Variants in ATXN10 observed in about 807,000 individuals in gnomAD.
ATXN10 encodes the protein ataxin 10, also known as ataxin-10.
ATXN10 carries 28 observed loss-of-function variants against 52.9 expected under a neutral mutation model. The ratio of observed to expected loss-of-function variants is 0.53; its 90% CI spans 0.39 to 0.73. The LOEUF is 0.73. ATXN10 is among the 30% of genes least tolerant of loss of function. The pLI, the probability that ATXN10 is intolerant of heterozygous loss-of-function variation, is 0.00. For synonymous variants in ATXN10, 226 were observed against 221.5 expected (o/e 1.02, Z -0.18); for missense variants, 565 against 577.0 (o/e 0.98, Z 0.21).
chr22:45,676,044 A>G (rs1463814769), intron 1 of ATXN10: 2 of 152,168 alleles, frequency 1.3e-5, no homozygotes, highest in African/African-American at 4.8e-5. Context: ...TTTGCAAGTC[A>G]TGTTAAATTC....
chr22:45,830,548 G>C (rs1601673791), intron 10 of ATXN10, among the ~76,000 whole-genome samples: 1 of 152,040 alleles, frequency 6.6e-6, no homozygotes, highest in Non-Finnish European at 1.5e-5. Flanking sequence ...CAAAAGACTT[G>C]AGTACACATT....
intron 9 of ATXN10, among the ~76,000 whole-genome samples, chr22:45,765,450 A>G (rs572926661): frequency 6.6e-6 from 1 of 152,290 alleles, no homozygotes; most frequent in South Asian, 2.1e-4. Context: ...GCTCTGGTGA[A>G]TTATTCCTCT....
Position 45,805,580 on chromosome 22 carries a change from G to A in ATXN10, c.1174-1379G>A, listed in dbSNP as rs559238844. On this transcript the variant is annotated intron_variant, in intron 9 of 11. Coordinates refer to ENST00000252934, the MANE Select transcript of ATXN10 (RefSeq NM_013236.4). The surrounding 1 kb of genome is among the most constrained non-coding windows in gnomAD (Gnocchi z 4.4). ...CATGGGTGAACCTTGAGTGAAAGAA[G>A]CCAGGTTCAAAAGGCTACATGTCGT... 9.1e-4 allele frequency among the ~76,000 whole-genome samples: 139 copies of A among 152,294 alleles called. No homozygotes were observed. Among genetic ancestry groups the A allele is most frequent in the Non-Finnish European group, 1.4e-3 (92 of 68,026 alleles).
intron 5 of ATXN10, among the ~76,000 whole-genome samples, chr22:45,717,683 T>C (rs1924497697): frequency 6.6e-6 from 1 of 152,204 alleles, no homozygotes; most frequent in Non-Finnish European, 1.5e-5. Flanking sequence ...TTTTGTATTG[T>C]TAAGTGATTA....
chr22:45,723,813 A>G (rs1322207813), intron 6 of ATXN10, among the ~76,000 whole-genome samples: 3 of 151,990 alleles, frequency 2.0e-5, no homozygotes, highest in Non-Finnish European at 4.4e-5. Flanking sequence ...AAAATTAGCC[A>G]GGCGTGGTGG....
At chr22:45,693,675 T>C (rs186313151) in intron 3 of ATXN10, among the ~76,000 whole-genome samples, 1 of 152,258 alleles carries the variant, frequency 6.6e-6, no homozygotes, top group Admixed American at 6.5e-5. Flanking sequence ...TAACCCCCAA[T>C]ACCCAGAATG....
intron 9 of ATXN10, among the ~76,000 whole-genome samples, chr22:45,760,266 C>A (rs1926336213): frequency 6.6e-6 from 1 of 152,162 alleles, no homozygotes; most frequent in Non-Finnish European, 1.5e-5. Context: ...CCAGATGCAT[C>A]TGAGAGTGTG....
chr22:45,827,267 A>G (rs1928848274), intron 10 of ATXN10, among the ~76,000 whole-genome samples: 1 of 152,216 alleles, frequency 6.6e-6, no homozygotes, highest in South Asian at 2.1e-4. Context: ...AATAAGTTAT[A>G]AGACATATGG....
chr22:45,799,082 T>G (rs1170888685), intron 9 of ATXN10, among the ~76,000 whole-genome samples: 1 of 44,602 alleles, frequency 2.2e-5, no homozygotes. Context: ...TGTGTTTTGT[T>G]TTTTGTTTTT....
intron 9 of ATXN10, among the ~76,000 whole-genome samples, chr22:45,798,574 T>A (rs73444689): frequency 0.011 from 1,699 of 152,318 alleles, 38 homozygotes; most frequent in African/African-American, 0.039. Flanking sequence ...GCTAGTTTCA[T>A]ACTTTATGAT....
intron 6 of ATXN10, among the ~76,000 whole-genome samples, chr22:45,721,389 G>C (rs971246951): frequency 6.6e-6 from 1 of 152,164 alleles, no homozygotes; most frequent in Non-Finnish European, 1.5e-5. Flanking sequence ...GAGAATAATA[G>C]TAGCTACCCC....
chr22:45,817,731 G>A (rs1928513888), intron 10 of ATXN10, among the ~76,000 whole-genome samples: 2 of 152,170 alleles, frequency 1.3e-5, no homozygotes, highest in African/African-American at 4.8e-5. Flanking sequence ...CACACAGAAG[G>A]TGATTTCACA....
In ATXN10 at chr22:45,762,538, C is replaced by G. The variant is rs569176902; in HGVS notation, c.1173+22000C>G. Among the ~76,000 whole-genome samples, 13 of 152,314 alleles carry G rather than the reference C, an allele frequency of 8.5e-5. No individual in the cohort carries two copies. The highest frequency in any genetic ancestry group is 5.9e-4 in the Admixed American group (9 of 15,308). Reference sequence around the variant, plus strand: ...TCTTCCTGGGAGGCTCCCAGGCATGCTCCTGTCTGGCCAGGGTGCTTCCTC... The same window carrying G: ...TCTTCCTGGGAGGCTCCCAGGCATGGTCCTGTCTGGCCAGGGTGCTTCCTC... On this transcript the variant is annotated intron_variant, in intron 9 of 11. Coordinates refer to ENST00000252934, the MANE Select transcript of ATXN10 (RefSeq NM_013236.4). This position sits in a 1 kb window ranked among gnomAD's most constrained non-coding sequence, Gnocchi z 4.3.
rs1409158245 is a variant in ATXN10 at position 45,677,577 on chromosome 22, A to G, written c.116+5398A>G. On this transcript the variant is annotated intron_variant, in intron 1 of 11. Coordinates refer to ENST00000252934, the MANE Select transcript of ATXN10 (RefSeq NM_013236.4). This position sits in a 1 kb window ranked among gnomAD's most constrained non-coding sequence, Gnocchi z 4.1. ...GAGAAGTATTTAAAATATATATGAT[A>G]AAGAAGTTGTTTCAGAATATATGAA... 6.6e-6 allele frequency: 1 copy of G among 151,968 alleles called. No homozygotes were observed. Among genetic ancestry groups the G allele is most frequent in the Non-Finnish European group, 1.5e-5 (1 of 67,994 alleles). The allele number at this position is 151,968 out of a possible 1,614,324, so 9.4% of individuals were successfully genotyped here.
intron 1 of ATXN10, chr22:45,676,010 A>C (rs904226361): frequency 6.6e-6 from 1 of 152,206 alleles, no homozygotes; most frequent in Non-Finnish European, 1.5e-5. Context: ...TTTGTTTAAC[A>C]AGTGATTTAT....
At chr22:45,807,173 T>C (rs1601658813) in intron 10 of ATXN10, 151 bp downstream of exon 10, 2 of 737,470 alleles carry the variant, frequency 2.7e-6, no homozygotes, top group South Asian at 1.5e-5. Context: ...CTCAGAGTTA[T>C]GGTGCTAGAA....
intron 9 of ATXN10, among the ~76,000 whole-genome samples, chr22:45,785,554 G>C (rs1215178358): frequency 6.6e-6 from 1 of 152,202 alleles, no homozygotes; most frequent in East Asian, 1.9e-4. Flanking sequence ...TATTGTGTAA[G>C]ACGTTCTGTT....
At chr22:45,829,945 C>T (rs954429105) in intron 10 of ATXN10, among the ~76,000 whole-genome samples, 1 of 152,174 alleles carries the variant, frequency 6.6e-6, no homozygotes, top group Non-Finnish European at 1.5e-5. Flanking sequence ...AGCTGGAAGA[C>T]TCACACTTCC....
Position 45,823,271 on chromosome 22 carries a change from T to C in ATXN10, c.1237+16249T>C. 1.3e-5 allele frequency: 6 copies of C among 463,780 alleles called. No homozygotes were observed. Among genetic ancestry groups the C allele is most frequent in the South Asian group, 9.5e-5 (6 of 62,838 alleles). The allele number at this position is 463,780 out of a possible 1,614,324, so 28.7% of individuals were successfully genotyped here. A position where few individuals can be genotyped will look rare whatever the true frequency, so the allele number is the denominator to read the frequency against. ...AATGAATAAAAATTCCCAATTTTAA[T>C]GTAAAATTTATCAGTCTTTCCTTCT... On this transcript the variant is annotated intron_variant, in intron 10 of 11. Coordinates refer to ENST00000252934, the MANE Select transcript of ATXN10 (RefSeq NM_013236.4). The surrounding 1 kb of genome is among the most constrained non-coding windows in gnomAD (Gnocchi z 4.9).
Sources: allele counts gnomAD v4.1 joint callset (sites outside exome capture counted in the v4.1 genomes callset), GRCh38; gene constraint gnomAD v4.1.1; non-coding constraint Gnocchi (gnomAD v3.1); transcripts MANE v1.5; gene names NCBI Gene and HGNC (gene_info 2026-07-23, HGNC 2026-07-21).